Variants in UBA6 observed in about 807,000 individuals in gnomAD.
UBA6 encodes the protein ubiquitin-like modifier-activating enzyme 6.
UBA6 carries 87 observed loss-of-function variants against 148.3 expected under a neutral mutation model. That is an observed-to-expected ratio of 0.59 (90% CI 0.49 to 0.70). UBA6 has a LOEUF of 0.70. Among genes scored for constraint, UBA6 ranks in the 30% least tolerant of loss-of-function variants. UBA6 has a pLI of 0.00. For missense variants in UBA6, 1,186 were observed against 1,241.2 expected (o/e 0.96, Z 0.67); for synonymous variants, 376 against 401.0 (o/e 0.94, Z 0.75).
At chr4:67,628,631 A>AATACATTGGTCCAATGTATTTT (rs1728926397) in intron 27 of UBA6, among the ~76,000 whole-genome samples, 1 of 151,806 alleles carries the variant, frequency 6.6e-6, no homozygotes, top group African/African-American at 2.4e-5. Context: ...CTCCGCCCAA[A>AATACATTGGTCCAATGTATTTT]ATACATTGGT....
chr4:67,616,588 T>C lies in UBA6; in HGVS notation c.*2409A>G, dbSNP rs1728631654. 6.5e-6 allele frequency: 1 copy of C among 153,372 alleles called. No homozygotes were observed. Among genetic ancestry groups the C allele is most frequent in the South Asian group, 2.1e-4 (1 of 4,844 alleles). The allele number at this position is 153,372 out of a possible 1,614,324, so 9.5% of individuals were successfully genotyped here. On this transcript the variant is annotated 3_prime_UTR_variant, in exon 33 of 33. Transcript: ENST00000322244. ...GGGATTTACCAGATCCTCTAGGTTT[T>C]ACATGGTCACGACTATTTCTCTCCA...
intron 28 of UBA6, 104 bp from the exon 29 acceptor site, chr4:67,625,291 AT>A: frequency 4.5e-6 from 4 of 881,042 alleles, no homozygotes; most frequent in South Asian, 2.9e-5. Context: ...TCCTTTTTAT[AT>A]TTTTTAATGA....
chr4:67,695,110 A>G (rs1730801489), intron 2 of UBA6, among the ~76,000 whole-genome samples: 1 of 152,228 alleles, frequency 6.6e-6, no homozygotes, highest in East Asian at 1.9e-4. Flanking sequence ...AAGTTTCACA[A>G]GGATTAAACT....
In UBA6 at chr4:67,677,729, A is replaced by G; in HGVS notation, c.354-7T>C. The G allele has an allele frequency of 6.8e-7, 1 of 1,464,750 alleles. No individual in the cohort carries two copies. Among genetic ancestry groups the G allele is most frequent in the Non-Finnish European group, 9.4e-7 (1 of 1,061,120 alleles). The allele number at this position is 1,464,750 out of a possible 1,614,324, so 90.7% of individuals were successfully genotyped here. On this transcript the variant is annotated splice_region_variant and splice_polypyrimidine_tract_variant and intron_variant, in intron 5 of 32. Transcript: ENST00000322244. ...TTTAAGTACAGCTTCAGCCCTAAAA[A>G]AATAAAATAAATTTTTACTGTTCTT...
intron 1 of UBA6, among the ~76,000 whole-genome samples, chr4:67,700,603 A>C (rs1730955376): frequency 6.6e-6 from 1 of 151,572 alleles, no homozygotes; most frequent in South Asian, 2.1e-4. Flanking sequence ...CATTCTTACC[A>C]AGTTCCTTCT....
Position 67,636,039 on chromosome 4 carries a change from C to T in UBA6, c.1737-481G>A, listed in dbSNP as rs568279067. On this transcript the variant is annotated intron_variant, in intron 19 of 32. Coordinates refer to ENST00000322244, the MANE Select transcript of UBA6 (RefSeq NM_018227.6). ...TCACATTTTTCAACTGATAAATTCT[C>T]CCCTGTTAATATATCTGCTCTACAC... is the stretch of plus-strand genomic sequence containing the variant. Among the ~76,000 whole-genome samples, 6 of 152,176 alleles carry T rather than the reference C, an allele frequency of 3.9e-5. No homozygotes were observed. The East Asian group carries it at 7.7e-4, about 20-fold the overall frequency.
intron 19 of UBA6, among the ~76,000 whole-genome samples, 170 bp from the exon 20 acceptor site, chr4:67,635,728 T>C (rs916073152): frequency 1.4e-4 from 22 of 152,230 alleles, no homozygotes; most frequent in Admixed American, 5.2e-4. Context: ...CCTGTTCCCC[T>C]ATTCTGCAAT....
At position 67,623,068 on chromosome 4, in the gene UBA6, T is replaced by C. The variant is rs546089372; in HGVS notation, c.2928+67A>G. On this transcript the variant is annotated intron_variant, in intron 31 of 32. Coordinates refer to ENST00000322244, the MANE Select transcript of UBA6 (RefSeq NM_018227.6). ...ATAATTATAACTTCCAATAAAATTATAAATAAAAACAAAACAGAAACCAGA... is the reference window on the plus strand; with the variant it reads ...ATAATTATAACTTCCAATAAAATTACAAATAAAAACAAAACAGAAACCAGA... 10 of 1,410,390 alleles carry C rather than the reference T, an allele frequency of 7.1e-6. No homozygotes were observed. In the Admixed American group the frequency reaches 1.1e-4, roughly 15 times the overall value. The allele number at this position is 1,410,390 out of a possible 1,614,324, so 87.4% of individuals were successfully genotyped here.
intron 13 of UBA6, among the ~76,000 whole-genome samples, chr4:67,660,453 G>T (rs569959952): frequency 2.7e-4 from 41 of 152,232 alleles, no homozygotes; most frequent in Non-Finnish European, 5.3e-4. Context: ...CCAATGTACA[G>T]CTCAGGCTGT....
chr4:67,641,595 T>C (rs1298257931), intron 17 of UBA6, among the ~76,000 whole-genome samples: 1 of 151,950 alleles, frequency 6.6e-6, no homozygotes, highest in African/African-American at 2.4e-5. Context: ...TCAACTAATT[T>C]GGGAAGAATG....
intron 13 of UBA6, chr4:67,661,733 A>G: frequency 6.0e-6 from 1 of 166,656 alleles, no homozygotes; most frequent in Non-Finnish European, 1.3e-5. Context: ...GCATCATAAC[A>G]CACACAAAAA....
intron 13 of UBA6, among the ~76,000 whole-genome samples, chr4:67,652,912 C>G (rs527500804): frequency 6.6e-6 from 1 of 152,358 alleles, no homozygotes; most frequent in East Asian, 1.9e-4. Flanking sequence ...CCCATGGAGC[C>G]TTGCTCACTG....
At chr4:67,672,608 A>G (rs1210624837) in intron 7 of UBA6, among the ~76,000 whole-genome samples, 1 of 152,104 alleles carries the variant, frequency 6.6e-6, no homozygotes, top group Non-Finnish European at 1.5e-5. Context: ...ATGGCCCCCA[A>G]CCTACTTCTC....
chr4:67,630,874 G>T (rs1204856499), intron 25 of UBA6, among the ~76,000 whole-genome samples: 3 of 151,916 alleles, frequency 2.0e-5, no homozygotes, highest in African/African-American at 7.3e-5. Context: ...TTATACATTT[G>T]GTCTTAATGA....
chr4:67,662,007 C>A (rs1729870278), intron 13 of UBA6, 182 bp downstream of exon 13: 2 of 537,938 alleles, frequency 3.7e-6, no homozygotes, highest in African/African-American at 1.9e-5. Flanking sequence ...TTCACAATAA[C>A]CCTATGAAGG....
chr4:67,694,260 T>A (rs1330745421), intron 2 of UBA6, among the ~76,000 whole-genome samples: 15 of 108,148 alleles, frequency 1.4e-4, no homozygotes, highest in South Asian at 2.9e-4. Context: ...AATACAAAAC[T>A]ACCAAATCTT....
intron 2 of UBA6, 101 bp downstream of exon 2, chr4:67,696,536 CACACACAT>C (rs1422579478): frequency 1.3e-6 from 1 of 772,116 alleles, no homozygotes; most frequent in East Asian, 2.6e-5. Flanking sequence ...CACACACACA[CACACACAT>C]ATAATTCTGC....
Position 67,644,749 on chromosome 4 carries a change from C to G in UBA6, c.1425G>C (p.Met475Ile). The part of the protein sequence containing the change: ...LVGCGAIGCE[M>I]LKNFALLGVG... ...CACCAAGTAAAGCAAAATTTTTCAA[C>G]ATTTCACAGCCTATGGCTCCACACC... The change falls in exon 17 of 33, where the codon ATG (methionine) becomes ATC (isoleucine). Residue 475 changes from methionine to isoleucine, a missense_variant. Met to Ile is a conservative substitution (Grantham distance 10). Transcript: ENST00000322244. The G allele has an allele frequency of 6.2e-7, 1 of 1,610,900 alleles. No homozygotes were observed. The highest frequency in any genetic ancestry group is 8.5e-7 in the Non-Finnish European group (1 of 1,177,272).
chr4:67,635,331 T>A, intron 20 of UBA6, 122 bp downstream of exon 20: 1 of 585,234 alleles, frequency 1.7e-6, no homozygotes, highest in Non-Finnish European at 3.0e-6. Context: ...CATGCACATA[T>A]GTATGAACAT....
Sources: allele counts gnomAD v4.1 joint callset (sites outside exome capture counted in the v4.1 genomes callset), GRCh38; gene constraint gnomAD v4.1.1; transcripts MANE v1.5; gene names NCBI Gene and HGNC (gene_info 2026-07-23, HGNC 2026-07-21).